The following SMARCC1 variants were observed in gnomAD, a reference collection of about 807,000 sequenced individuals.
SMARCC1 encodes SWI/SNF complex subunit SMARCC1.
Under a neutral mutation model 147.4 loss-of-function variants are expected in SMARCC1, and 43 were observed. The ratio of observed to expected loss-of-function variants is 0.29; its 90% CI spans 0.23 to 0.38. The LOEUF is 0.38. Ranked by LOEUF, SMARCC1 falls within the 10% of genes least tolerant of loss-of-function variation. The pLI, the probability that SMARCC1 is intolerant of heterozygous loss-of-function variation, is 1.00. For synonymous variants in SMARCC1, 495 were observed against 484.4 expected, an observed-to-expected ratio of 1.02 and a Z score of -0.29; for missense variants, 1,119 against 1,381.1, an observed-to-expected ratio of 0.81 and a Z score of 3.01.
intron 24 of SMARCC1, among the ~76,000 whole-genome samples, chr3:47,631,145 G>GA (rs1326390413): frequency 6.6e-6 from 1 of 151,882 alleles, no homozygotes; most frequent in Non-Finnish European, 1.5e-5. Context: ...GAATGAAAGA[G>GA]AAAGAGAGAA....
At chr3:47,764,422 A>G (rs1370937634) in intron 2 of SMARCC1, among the ~76,000 whole-genome samples, 4 of 152,228 alleles carry the variant, frequency 2.6e-5, no homozygotes, top group African/African-American at 9.6e-5. Context: ...TGAAAAAAGT[A>G]AAAATATAGA....
chr3:47,743,185 G>T (rs1348034255), intron 3 of SMARCC1, among the ~76,000 whole-genome samples: 5 of 152,180 alleles, frequency 3.3e-5, no homozygotes, highest in Non-Finnish European at 7.3e-5. Context: ...AAGAATGACA[G>T]GTCAGTATTC....
chr3:47,728,042 T>C (rs1159436774), intron 6 of SMARCC1, among the ~76,000 whole-genome samples: 1 of 146,790 alleles, frequency 6.8e-6, no homozygotes, highest in Non-Finnish European at 1.5e-5. Flanking sequence ...TACAGGCACG[T>C]ATCACCACAC....
chr3:47,679,815 T>C (rs144564991), intron 15 of SMARCC1, among the ~76,000 whole-genome samples: 1,511 of 148,122 alleles, frequency 0.01, 21 homozygotes, highest in African/African-American at 0.036. Flanking sequence ...TTAGCTGAGA[T>C]TGCAACACTG....
At chr3:47,777,435 G>A (rs1052224667) in intron 1 of SMARCC1, among the ~76,000 whole-genome samples, 5 of 151,162 alleles carry the variant, frequency 3.3e-5, no homozygotes, top group African/African-American at 1.2e-4. Flanking sequence ...GCTCATGACT[G>A]TAATCCCAGT....
chr3:47,715,285 A>C (rs576073562), intron 7 of SMARCC1, among the ~76,000 whole-genome samples: 1 of 152,244 alleles, frequency 6.6e-6, no homozygotes, highest in South Asian at 2.1e-4. Context: ...AACATCTAAC[A>C]AGCATTCCAA....
intron 7 of SMARCC1, among the ~76,000 whole-genome samples, chr3:47,716,081 T>C (rs2034152598): frequency 6.6e-6 from 1 of 151,184 alleles, no homozygotes; most frequent in Non-Finnish European, 1.5e-5. Context: ...ATGACAAGTA[T>C]TAGCTTCCTT....
chr3:47,685,484 A>T (rs1229185944), intron 14 of SMARCC1, among the ~76,000 whole-genome samples: 1 of 152,008 alleles, frequency 6.6e-6, no homozygotes, highest in African/African-American at 2.4e-5. Context: ...AATGAGTTAG[A>T]TTCAAGCTTA....
At chr3:47,778,307 G>A (rs1161449971) in intron 1 of SMARCC1, among the ~76,000 whole-genome samples, 1 of 142,880 alleles carries the variant, frequency 7.0e-6, no homozygotes, top group African/African-American at 2.7e-5. Context: ...TTTTTGTTTT[G>A]TTTTGTTTCG....
At chr3:47,703,589 CT>C (rs1263088406) in intron 10 of SMARCC1, among the ~76,000 whole-genome samples, 1 of 152,010 alleles carries the variant, frequency 6.6e-6, no homozygotes, top group Non-Finnish European at 1.5e-5. Flanking sequence ...AACACACTTG[CT>C]TTGGGAAGTA....
rs189394640 is a variant in SMARCC1 at position 47,738,276 on chromosome 3, C to T, written c.402-166G>A. On this transcript the variant is annotated intron_variant, in intron 3 of 27. Transcript: ENST00000254480. ...GTAACATAAGAATACATAGTATCAACACCCTTATAAAAGAGATATTAAGAT... is the reference window on the plus strand; with the variant it reads ...GTAACATAAGAATACATAGTATCAATACCCTTATAAAAGAGATATTAAGAT... Among the ~76,000 whole-genome samples, 3 of 152,270 alleles carry T rather than the reference C, an allele frequency of 2.0e-5. No homozygotes were observed. The East Asian group carries it at 5.8e-4, about 29-fold the overall frequency.
At chr3:47,626,235 C>A (rs557178663) in intron 24 of SMARCC1, among the ~76,000 whole-genome samples, 1 of 151,572 alleles carries the variant, frequency 6.6e-6, no homozygotes, top group South Asian at 2.1e-4. Context: ...TAACCTCCGC[C>A]TTCTAGGTTC....
intron 19 of SMARCC1, among the ~76,000 whole-genome samples, chr3:47,666,358 C>T (rs2033419921): frequency 6.6e-6 from 1 of 152,206 alleles, no homozygotes; most frequent in Non-Finnish European, 1.5e-5. Flanking sequence ...CTGGGAATTC[C>T]GCATTCAAGC....
intron 21 of SMARCC1, among the ~76,000 whole-genome samples, chr3:47,653,214 C>G (rs1378737154): frequency 2.0e-5 from 3 of 152,204 alleles, no homozygotes; most frequent in Non-Finnish European, 2.9e-5. Context: ...GCCTCGGCCT[C>G]CCAAAGTGCT....
intron 2 of SMARCC1, among the ~76,000 whole-genome samples, chr3:47,761,423 T>C (rs748463616): frequency 2.6e-4 from 39 of 152,170 alleles, no homozygotes; most frequent in Non-Finnish European, 5.0e-4. Context: ...ACTGGTGAAA[T>C]GTGAAGATAG....
chr3:47,598,864 C>G (rs544586890), intron 26 of SMARCC1, among the ~76,000 whole-genome samples: 159 of 139,146 alleles, frequency 1.1e-3, no homozygotes, highest in African/African-American at 3.5e-3. Context: ...GAGAGAGAGA[C>G]ACACACACAC....
At chr3:47,776,781 T>C (rs2034980071) in intron 1 of SMARCC1, among the ~76,000 whole-genome samples, 1 of 151,930 alleles carries the variant, frequency 6.6e-6, no homozygotes, top group Non-Finnish European at 1.5e-5. Flanking sequence ...ATATATATTT[T>C]TTCTTTTTTT....
intron 11 of SMARCC1, among the ~76,000 whole-genome samples, chr3:47,695,959 C>T (rs1438545533): frequency 1.5e-5 from 2 of 133,952 alleles, no homozygotes; most frequent in South Asian, 2.6e-4. Context: ...CCCAGCTACT[C>T]GGGAGGCTGA....
Position 47,588,125 on chromosome 3 carries a change from C to G in SMARCC1, c.*84G>C. 1 of 1,128,302 alleles carries G rather than the reference C, an allele frequency of 8.9e-7. No individual in the cohort carries two copies. The highest frequency in any genetic ancestry group is 1.3e-6 in the Non-Finnish European group (1 of 763,322). 69.9% of individuals were successfully genotyped at this position (1,128,302 alleles called of 1,614,324 possible). On this transcript the variant is annotated 3_prime_UTR_variant, in exon 28 of 28. Transcript: ENST00000254480. ...GTGAGAAGAAAAATCCTGAAAGAAA[C>G]CCAAGAAAGTTGAGGAACACAAGTC...
Sources: allele counts gnomAD v4.1 joint callset (sites outside exome capture counted in the v4.1 genomes callset), GRCh38; gene constraint gnomAD v4.1.1; transcripts MANE v1.5; gene names NCBI Gene and HGNC (gene_info 2026-07-23, HGNC 2026-07-21).